The following MAP4K1 variants were observed in gnomAD, a reference collection of about 807,000 sequenced individuals.
The protein encoded by MAP4K1 is MAPK/ERK kinase kinase kinase 1.
In MAP4K1, 35 loss-of-function variants were observed where a neutral mutation model predicts 122.8. That is an observed-to-expected ratio of 0.29 (90% CI 0.22 to 0.38). MAP4K1 has a LOEUF of 0.38. MAP4K1 is among the 10% of genes least tolerant of loss of function. MAP4K1 has a pLI of 1.00. For missense variants in MAP4K1, 791 were observed against 1,072.6 expected (o/e 0.74, Z 3.67); for synonymous variants, 412 against 421.3 (o/e 0.98, Z 0.27).
At chr19:38,616,289 T>C (rs367551118) in intron 3 of MAP4K1, 30 bp from the exon 4 acceptor site, 4 of 1,546,044 alleles carry the variant, frequency 2.6e-6, no homozygotes, top group Admixed American at 3.6e-5. Context: ...AGAATAATAA[T>C]AGCAGTAAAT....
In MAP4K1 at chr19:38,590,273, A is replaced by T. The variant is rs1380511569; in HGVS notation, c.2397-2456T>A. Among the ~76,000 whole-genome samples, 13 of 149,566 alleles carry T rather than the reference A, an allele frequency of 8.7e-5. 1 individual carries two copies. ...AAACAAATTTCCTTTAATTTTTAAA[A>T]AGGTCAAAGCTCCTTTAAGACAAAA... On this transcript the variant is annotated intron_variant, in intron 30 of 30. Coordinates refer to ENST00000396857, the MANE Select transcript of MAP4K1 (RefSeq NM_001042600.3).
intron 4 of MAP4K1, among the ~76,000 whole-genome samples, chr19:38,615,949 A>G (rs926222581): frequency 6.8e-6 from 1 of 147,634 alleles, no homozygotes; most frequent in Non-Finnish European, 1.5e-5. Context: ...GTGAGCCACC[A>G]CACCAGGCCC....
At chr19:38,607,832 G>C (rs1975374281) in intron 16 of MAP4K1, 32 bp downstream of exon 16, 2 of 1,606,910 alleles carry the variant, frequency 1.2e-6, no homozygotes, top group African/African-American at 2.7e-5. Context: ...CTGAGGTGGG[G>C]CCTGTGGAGC....
chr19:38,590,402 T>A (rs1470941682), intron 30 of MAP4K1, among the ~76,000 whole-genome samples: 186 of 49,682 alleles, frequency 3.7e-3, no homozygotes, highest in African/African-American at 8.6e-3. Context: ...AAAATATATA[T>A]ATATATATAT....
At chr19:38,588,099 G>C (rs570573375) in intron 30 of MAP4K1, among the ~76,000 whole-genome samples, 2 of 152,162 alleles carry the variant, frequency 1.3e-5, no homozygotes, top group Non-Finnish European at 2.9e-5. Context: ...CAGCCTGAAG[G>C]GGGGTTAGGA....
chr19:38,615,268 G>A (rs1975616179), intron 4 of MAP4K1, among the ~76,000 whole-genome samples: 1 of 151,844 alleles, frequency 6.6e-6, no homozygotes, highest in African/African-American at 2.4e-5. Context: ...AGGTGAGATT[G>A]GCCAGCATGG....
At chr19:38,598,283 G>C (rs918713840) in intron 22 of MAP4K1, among the ~76,000 whole-genome samples, 77 of 151,844 alleles carry the variant, frequency 5.1e-4, no homozygotes, top group African/African-American at 1.8e-3. Context: ...TACCCGCCTC[G>C]GCCTCCCAAA....
At position 38,609,858 on chromosome 19, in the gene MAP4K1, C is replaced by G. The variant is rs767759805; in HGVS notation, c.927+51G>C. On this transcript the variant is annotated intron_variant, in intron 12 of 30. Transcript: ENST00000396857. ...AAGGCACTGCTGGCAGCAGGCACAG[C>G]CTGAGAAAGACCGAGAGGTCCCCAG... The G allele has an allele frequency of 2.6e-6, 4 of 1,523,688 alleles. No homozygotes were observed. The South Asian group carries it at 4.5e-5, about 17-fold the overall frequency. 94.4% of individuals were successfully genotyped at this position (1,523,688 alleles called of 1,614,324 possible).
At chr19:38,606,253 GGGAACAAGGACTC>G (rs781577623) in intron 16 of MAP4K1, 38 bp from the exon 17 acceptor site, 2 of 1,122,220 alleles carry the variant, frequency 1.8e-6, no homozygotes, top group Non-Finnish European at 2.6e-6. Context: ...TGGGGGGCTG[GGGAACAAGGACTC>G]GGGGAAGATG....
chr19:38,599,672 A>G (rs2144710157), intron 22 of MAP4K1, among the ~76,000 whole-genome samples: 1 of 152,110 alleles, frequency 6.6e-6, no homozygotes, highest in African/African-American at 2.4e-5. Context: ...AAAAAAAGAA[A>G]AAAAAAGACT....
rs779529126 is a variant in MAP4K1 at position 38,617,315 on chromosome 19, G to C, written c.248+39C>G. The C allele has an allele frequency of 1.4e-6, 2 of 1,420,318 alleles. No individual in the cohort carries two copies. Among genetic ancestry groups the C allele is most frequent in the Admixed American group, 3.3e-5 (2 of 59,802 alleles). 88.0% of individuals were successfully genotyped at this position (1,420,318 alleles called of 1,614,324 possible). A position where few individuals can be genotyped will look rare whatever the true frequency, so the allele number is the denominator to read the frequency against. On this transcript the variant is annotated intron_variant, in intron 3 of 30. Transcript: ENST00000396857. The surrounding 1 kb of genome is among the most constrained non-coding windows in gnomAD (Gnocchi z 4.1). ...CAAGAAATGGGGACTCCGGGTTAGG[G>C]GCTGGGCTGGGTGCCAGGGTGGGTC...
intron 30 of MAP4K1, among the ~76,000 whole-genome samples, chr19:38,592,924 TAAA>T (rs966382120): frequency 6.8e-6 from 1 of 146,334 alleles, no homozygotes; most frequent in African/African-American, 2.7e-5. Context: ...TCTCAATAAA[TAAA>T]TAAATAAATA....
At position 38,587,710 on chromosome 19, in the gene MAP4K1, G is replaced by A. The variant is rs777929183; in HGVS notation, c.*38C>T. 1.8e-5 allele frequency: 27 copies of A among 1,479,356 alleles called. No individual in the cohort carries two copies. The South Asian group carries it at 2.5e-4, about 14-fold the overall frequency. The allele number at this position is 1,479,356 out of a possible 1,614,324, so 91.6% of individuals were successfully genotyped here. ...GACCACTAGTGTGTCTATGGGGGAG[G>A]GGGTGCAAGGACTAGTTCCTGACAC... On this transcript the variant is annotated 3_prime_UTR_variant, in exon 31 of 31. Coordinates refer to ENST00000396857, the MANE Select transcript of MAP4K1 (RefSeq NM_001042600.3).
intron 27 of MAP4K1, 39 bp from the exon 28 acceptor site, chr19:38,595,768 G>A: frequency 1.7e-5 from 26 of 1,547,500 alleles, no homozygotes; most frequent in Non-Finnish European, 2.2e-5. Flanking sequence ...TGTGAGCAAG[G>A]CTTAGAGGGT....
chr19:38,602,529 C>CAT (rs773008735), intron 19 of MAP4K1, among the ~76,000 whole-genome samples: 3 of 148,724 alleles, frequency 2.0e-5, no homozygotes, highest in African/African-American at 7.4e-5. Context: ...TACGCATATA[C>CAT]ATATATACAC....
At chr19:38,605,348 C>A in intron 19 of MAP4K1, 61 bp downstream of exon 19, 8 of 1,216,268 alleles carry the variant, frequency 6.6e-6, no homozygotes, top group Non-Finnish European at 9.4e-6. Context: ...CCCCTCCCCA[C>A]CCCACCAGGC....
intron 30 of MAP4K1, among the ~76,000 whole-genome samples, chr19:38,588,769 T>C (rs1208830991): frequency 7.0e-6 from 1 of 142,828 alleles, no homozygotes; most frequent in East Asian, 2.1e-4. Flanking sequence ...AAAAAAAAAA[T>C]TTATCCAGGC....
intron 19 of MAP4K1, among the ~76,000 whole-genome samples, chr19:38,604,965 T>G (rs1975279774): frequency 6.6e-6 from 1 of 151,248 alleles, no homozygotes; most frequent in Middle Eastern, 3.4e-3. Context: ...GCATTGCCTG[T>G]AATCTCAGCT....
In MAP4K1 at chr19:38,617,269, A is replaced by T; in HGVS notation, c.248+85T>A. The stretch of plus-strand genomic sequence containing the variant: ...AAAAAAGAAAAAGAAAAGAAAAAAA[A>T]AGAACTGAGGGTACCCCCATCAAGA... On this transcript the variant is annotated intron_variant, in intron 3 of 30. Coordinates refer to ENST00000396857, the MANE Select transcript of MAP4K1 (RefSeq NM_001042600.3). This position sits in a 1 kb window ranked among gnomAD's most constrained non-coding sequence, Gnocchi z 4.1. The T allele has an allele frequency of 1.1e-6, 1 of 897,506 alleles. No individual in the cohort carries two copies. Among genetic ancestry groups the T allele is most frequent in the Admixed American group, 2.0e-5 (1 of 50,884 alleles). The allele number at this position is 897,506 out of a possible 1,614,324, so 55.6% of individuals were successfully genotyped here.
Sources: gnomAD v4.1 joint callset for allele counts (sites outside exome capture counted in the v4.1 genomes callset) on GRCh38, gnomAD v4.1.1 for gene constraint, Gnocchi (gnomAD v3.1) non-coding constraint, MANE v1.5 for transcripts, NCBI Gene and HGNC (gene_info 2026-07-23, HGNC 2026-07-21) for gene names.